The following LY75 variants were observed in gnomAD, a reference collection of about 807,000 sequenced individuals.
LY75 encodes the protein lymphocyte antigen 75.
In LY75, 185 loss-of-function variants were observed where a neutral mutation model predicts 231.7. The observed-to-expected ratio is 0.80, with a 90% CI of 0.71 to 0.90. The LOEUF (loss-of-function observed/expected upper bound fraction) is 0.90. Among genes scored for constraint, LY75 ranks in the 40% least tolerant of loss-of-function variants. The pLI is 0.00. For synonymous variants in LY75, 668 were observed against 689.0 expected (o/e 0.97, Z 0.48); for missense variants, 1,947 against 2,050.2 (o/e 0.95, Z 0.97).
chr2:159,899,845 G>A (rs1686020450), intron 1 of LY75, among the ~76,000 whole-genome samples: 1 of 152,220 alleles, frequency 6.6e-6, no homozygotes. Flanking sequence ...GGTTCTGAGG[G>A]TAGAACCTGT....
rs1685381594 is a variant in LY75, at chr2:159,879,819, CA to C, written c.1405-451del. 3.3e-5 allele frequency among the ~76,000 whole-genome samples: 5 copies of C among 152,270 alleles called. No homozygotes were observed. The South Asian group carries it at 1.0e-3, about 32-fold the overall frequency. ...TAGCTATTCTCCATGAATTCTAGGTCAAAAGTTTCTTTCAACTCTACTTCAA... is the reference window on the plus strand; with the variant it reads ...TAGCTATTCTCCATGAATTCTAGGTCAAAGTTTCTTTCAACTCTACTTCAA... On this transcript the variant is annotated intron_variant, in intron 8 of 34. Coordinates refer to ENST00000263636, the MANE Select transcript of LY75 (RefSeq NM_002349.4).
chr2:159,848,963 T>C (rs1416779697), intron 23 of LY75, among the ~76,000 whole-genome samples: 1 of 152,174 alleles, frequency 6.6e-6, no homozygotes, highest in Non-Finnish European at 1.5e-5. Context: ...TAATATTATA[T>C]CTATATCTAT....
chr2:159,830,251 A>G (rs1000501281), intron 28 of LY75, among the ~76,000 whole-genome samples: 1 of 152,170 alleles, frequency 6.6e-6, no homozygotes, highest in Non-Finnish European at 1.5e-5. Context: ...GCCTATTTTT[A>G]AAACAGGCAG....
intron 28 of LY75, among the ~76,000 whole-genome samples, chr2:159,822,230 T>G (rs1683318290): frequency 6.6e-6 from 1 of 152,174 alleles, no homozygotes; most frequent in Admixed American, 6.5e-5. Context: ...GGGAGCCAAG[T>G]GGTCTGGCTA....
At chr2:159,833,414 G>A (rs1331285587) in intron 27 of LY75, among the ~76,000 whole-genome samples, 2 of 152,148 alleles carry the variant, frequency 1.3e-5, no homozygotes, top group Non-Finnish European at 2.9e-5. Flanking sequence ...AGTGTGCCTA[G>A]CCCATTTCTT....
At chr2:159,814,673 GA>G (rs1307462856) in intron 31 of LY75, among the ~76,000 whole-genome samples, 1 of 144,298 alleles carries the variant, frequency 6.9e-6, no homozygotes, top group Non-Finnish European at 1.5e-5. Context: ...AAAAGAAAAA[GA>G]AAAGATAAGA....
At chr2:159,850,789 T>TATATATATATATATATATA (rs796940571) in intron 21 of LY75, among the ~76,000 whole-genome samples, 3 of 88,666 alleles carry the variant, frequency 3.4e-5, no homozygotes, top group Non-Finnish European at 7.8e-5. Flanking sequence ...TATATATATA[T>TATATATATATATATATATA]ATATATATAT....
At chr2:159,820,346 T>C (rs1259190576) in intron 28 of LY75, among the ~76,000 whole-genome samples, 1 of 152,230 alleles carries the variant, frequency 6.6e-6, no homozygotes, top group African/African-American at 2.4e-5. Context: ...CATGGAATAC[T>C]ACTCAGCCAT....
intron 33 of LY75, chr2:159,808,180 G>A (rs932598087): frequency 1.1e-6 from 1 of 928,478 alleles, no homozygotes; most frequent in African/African-American, 1.8e-5. Flanking sequence ...TCCTGATGTT[G>A]ATCCAAGGAT....
At chr2:159,874,969 T>C (rs1488911740) in intron 12 of LY75, among the ~76,000 whole-genome samples, 1 of 138,430 alleles carries the variant, frequency 7.2e-6, no homozygotes, top group Non-Finnish European at 1.6e-5. Context: ...ATATTTATAA[T>C]ATATATATTG....
At chr2:159,879,484 T>C in intron 8 of LY75, 115 bp from the exon 9 acceptor site, 1 of 1,436,356 alleles carries the variant, frequency 7.0e-7, no homozygotes, top group Non-Finnish European at 9.4e-7. Context: ...TATAAGTGAA[T>C]TATCAAATGT....
At chr2:159,836,095 G>A (rs1045539860) in intron 25 of LY75, among the ~76,000 whole-genome samples, 3 of 152,202 alleles carry the variant, frequency 2.0e-5, no homozygotes, top group Admixed American at 6.5e-5. Context: ...ACCTGGCATA[G>A]TGGAAAGAAT....
At chr2:159,814,424 G>A (rs1025866406) in intron 31 of LY75, among the ~76,000 whole-genome samples, 2 of 152,120 alleles carry the variant, frequency 1.3e-5, no homozygotes, top group Admixed American at 1.3e-4. Context: ...TGAAACAGGA[G>A]GATTGTTTGA....
intron 1 of LY75, among the ~76,000 whole-genome samples, chr2:159,904,135 C>A (rs1234613302): frequency 6.6e-6 from 1 of 152,206 alleles, no homozygotes; most frequent in East Asian, 1.9e-4. Flanking sequence ...GTGGGGAATC[C>A]TTGGCGCTGT....
chr2:159,814,303 G>A (rs1477576848), intron 31 of LY75, among the ~76,000 whole-genome samples: 1 of 152,094 alleles, frequency 6.6e-6, no homozygotes, highest in Admixed American at 6.5e-5. Context: ...TATAAATTTG[G>A]AAAATGCTTG....
chr2:159,845,890 A>G (rs1684187410), intron 23 of LY75, among the ~76,000 whole-genome samples: 1 of 151,884 alleles, frequency 6.6e-6, no homozygotes, highest in Non-Finnish European at 1.5e-5. Context: ...ATACACATAC[A>G]CATATATATG....
chr2:159,880,491 G>A (rs1685401874), intron 8 of LY75, among the ~76,000 whole-genome samples: 1 of 152,318 alleles, frequency 6.6e-6, no homozygotes. Flanking sequence ...TGCAGGCCCT[G>A]GTCCTGAGAG....
At chr2:159,855,313 C>CA (rs1205624824) in intron 16 of LY75, among the ~76,000 whole-genome samples, 1 of 152,112 alleles carries the variant, frequency 6.6e-6, no homozygotes, top group Non-Finnish European at 1.5e-5. Flanking sequence ...ACCAAAATAA[C>CA]GGTCATTGAA....
intron 23 of LY75, among the ~76,000 whole-genome samples, chr2:159,848,336 A>G (rs1050450895): frequency 6.6e-6 from 1 of 152,050 alleles, no homozygotes; most frequent in East Asian, 1.9e-4. Flanking sequence ...GTTCTCACTA[A>G]TAAGTGGGAG....
Sources: allele counts gnomAD v4.1 joint callset (sites outside exome capture counted in the v4.1 genomes callset), GRCh38; gene constraint gnomAD v4.1.1; transcripts MANE v1.5; gene names NCBI Gene and HGNC (gene_info 2026-07-23, HGNC 2026-07-21).